TMEM132B: variants seen among roughly 807,000 people sequenced by gnomAD.
The protein encoded by TMEM132B is transmembrane protein 132B.
In TMEM132B, 18 loss-of-function variants were observed where a neutral mutation model predicts 90.8. The observed-to-expected ratio is 0.20, with a 90% CI of 0.14 to 0.29. The LOEUF (loss-of-function observed/expected upper bound fraction) is 0.29. TMEM132B is among the 10% of genes least tolerant of loss of function. The probability of loss-of-function intolerance (pLI) is 1.00; values close to 1 mark genes in which losing one functional copy is unlikely to be tolerated. For missense variants in TMEM132B, 1,096 were observed against 1,326.8 expected, an observed-to-expected ratio of 0.83 and a Z score of 2.70; for synonymous variants, 504 against 523.3, an observed-to-expected ratio of 0.96 and a Z score of 0.50.
intron 3 of TMEM132B, among the ~76,000 whole-genome samples, chr12:125,507,171 A>T (rs1185993038): frequency 6.6e-6 from 1 of 152,216 alleles, no homozygotes; most frequent in Non-Finnish European, 1.5e-5. Flanking sequence ...AAACATGACA[A>T]TCTAGGAAAG....
intron 1 of TMEM132B, among the ~76,000 whole-genome samples, chr12:125,235,745 C>T (rs1433580047): frequency 6.7e-6 from 1 of 150,210 alleles, no homozygotes; most frequent in Admixed American, 6.6e-5. Flanking sequence ...GCTTCTTTCA[C>T]ATAACATAAC....
intron 4 of TMEM132B, among the ~76,000 whole-genome samples, chr12:125,573,066 T>C (rs543637286): frequency 6.6e-6 from 1 of 152,298 alleles, no homozygotes; most frequent in Non-Finnish European, 1.5e-5. Context: ...TGTACTTTCT[T>C]TGTCTTGGCA....
chr12:125,541,199 C>T (rs759168505), intron 4 of TMEM132B, among the ~76,000 whole-genome samples: 8 of 152,298 alleles, frequency 5.3e-5, no homozygotes, highest in East Asian at 1.9e-4. Flanking sequence ...ATCATTGTCA[C>T]GACACATTTT....
At chr12:125,298,666 T>A (rs1302999186) in intron 1 of TMEM132B, among the ~76,000 whole-genome samples, 4 of 63,822 alleles carry the variant, frequency 6.3e-5, no homozygotes, top group African/African-American at 3.5e-4. Context: ...AGAGTGAGAC[T>A]CTGTCTCAAA....
intron 1 of TMEM132B, among the ~76,000 whole-genome samples, chr12:125,318,528 C>T (rs1876345553): frequency 6.6e-6 from 1 of 152,184 alleles, no homozygotes; most frequent in Non-Finnish European, 1.5e-5. Flanking sequence ...CACCCCCACC[C>T]TGACAGGCCC....
intron 2 of TMEM132B, among the ~76,000 whole-genome samples, chr12:125,359,578 G>T (rs751414583): frequency 1.3e-5 from 2 of 152,156 alleles, no homozygotes; most frequent in African/African-American, 4.8e-5. Context: ...AAGACCATGA[G>T]CTTCCTAAAA....
intron 2 of TMEM132B, among the ~76,000 whole-genome samples, chr12:125,363,348 T>C (rs1236820522): frequency 6.6e-6 from 1 of 152,074 alleles, no homozygotes; most frequent in Non-Finnish European, 1.5e-5. Flanking sequence ...ATGGGTACAG[T>C]GGTGTGTTAG....
intron 2 of TMEM132B, among the ~76,000 whole-genome samples, chr12:125,399,023 CTG>C (rs1259334967): frequency 1.3e-5 from 2 of 152,196 alleles, no homozygotes; most frequent in Non-Finnish European, 2.9e-5. Flanking sequence ...AGGCTGCCCT[CTG>C]TTCCTAGAGC....
At chr12:125,570,375 C>G (rs2136826362) in intron 4 of TMEM132B, among the ~76,000 whole-genome samples, 1 of 152,312 alleles carries the variant, frequency 6.6e-6, no homozygotes, top group African/African-American at 2.4e-5. Context: ...GTCAGTTAAG[C>G]AGCACTTACC....
intron 1 of TMEM132B, among the ~76,000 whole-genome samples, chr12:125,200,735 G>A (rs992715137): frequency 6.6e-6 from 1 of 152,164 alleles, no homozygotes; most frequent in African/African-American, 2.4e-5. Flanking sequence ...GAGAAATGTC[G>A]AGCCTAGGGG....
chr12:125,658,174 G>T lies in TMEM132B; in HGVS notation c.*3464G>T, dbSNP rs938025202. ...TATAATAATCCTGACTATGTAGACGGAAGTTTCTATTTATAAAGTCATGCA... is the reference window on the plus strand; with the variant it reads ...TATAATAATCCTGACTATGTAGACGTAAGTTTCTATTTATAAAGTCATGCA... On this transcript the variant is annotated 3_prime_UTR_variant, in exon 9 of 9. Coordinates refer to ENST00000682704, the MANE Select transcript of TMEM132B (RefSeq NM_001366854.1). The T allele has an allele frequency of 1.3e-5, 2 of 152,230 alleles. No individual in the cohort carries two copies. Among genetic ancestry groups the T allele is most frequent in the Admixed American group, 6.5e-5 (1 of 15,288 alleles). The allele number at this position is 152,230 out of a possible 1,614,324, so 9.4% of individuals were successfully genotyped here.
chr12:125,508,169 C>A lies in TMEM132B; in HGVS notation c.1107-11270C>A, dbSNP rs764716711. 1.4e-4 allele frequency among the ~76,000 whole-genome samples: 21 copies of A among 148,872 alleles called. 1 individual carries two copies. Among genetic ancestry groups the A allele is most frequent in the Non-Finnish European group, 3.1e-4 (21 of 67,248 alleles). On this transcript the variant is annotated intron_variant, in intron 3 of 8. Coordinates refer to ENST00000682704, the MANE Select transcript of TMEM132B (RefSeq NM_001366854.1). Reference sequence around the variant, plus strand: ...TGCAATAAACTTCATGATCTTTGCACCTTCTAACTCCATCCTTTGAGAGTA... The same window carrying A: ...TGCAATAAACTTCATGATCTTTGCAACTTCTAACTCCATCCTTTGAGAGTA...
At chr12:125,515,301 C>T (rs762304523) in intron 3 of TMEM132B, among the ~76,000 whole-genome samples, 1 of 151,872 alleles carries the variant, frequency 6.6e-6, no homozygotes. Context: ...CACACTCATA[C>T]ACACTATTCA....
intron 4 of TMEM132B, among the ~76,000 whole-genome samples, chr12:125,579,522 C>G (rs1044562545): frequency 6.6e-6 from 1 of 151,712 alleles, no homozygotes; most frequent in Non-Finnish European, 1.5e-5. Context: ...GGCACCACAC[C>G]TGGCTAATTT....
chr12:125,445,362 C>T lies in TMEM132B; in HGVS notation c.1106+29685C>T, dbSNP rs1319527407. On this transcript the variant is annotated intron_variant, in intron 3 of 8. Coordinates refer to ENST00000682704, the MANE Select transcript of TMEM132B (RefSeq NM_001366854.1). This position sits in a 1 kb window ranked among gnomAD's most constrained non-coding sequence, Gnocchi z 4.3. The stretch of plus-strand genomic sequence containing the variant: ...TTTGTAAATTGGCTATACTAATGTA[C>T]CTACCTTTCCCAGTTATAAATGTAT... Among the ~76,000 whole-genome samples the T allele has an allele frequency of 1.3e-5, 2 of 152,176 alleles. No individual in the cohort carries two copies. Among genetic ancestry groups the T allele is most frequent in the East Asian group, 3.9e-4 (2 of 5,190 alleles).
chr12:125,574,914 A>G (rs988272996), intron 4 of TMEM132B, among the ~76,000 whole-genome samples: 2 of 150,902 alleles, frequency 1.3e-5, no homozygotes, highest in East Asian at 1.9e-4. Flanking sequence ...TTACCTCACT[A>G]TTCAGAATAA....
chr12:125,563,598 C>CAAACAAAAAA (rs774597550), intron 4 of TMEM132B, among the ~76,000 whole-genome samples: 2 of 150,180 alleles, frequency 1.3e-5, no homozygotes, highest in Non-Finnish European at 3.0e-5. Flanking sequence ...AACAAACAAA[C>CAAACAAAAAA]AAAAAAAAAC....
At chr12:125,557,420 C>T (rs980611672) in intron 4 of TMEM132B, among the ~76,000 whole-genome samples, 1 of 152,114 alleles carries the variant, frequency 6.6e-6, no homozygotes, top group Non-Finnish European at 1.5e-5. Flanking sequence ...GTTCTGATAG[C>T]ATGGAAAGGG....
At chr12:125,398,881 GTCTGGGCAGTGTTCTCA>G (rs1337790750) in intron 2 of TMEM132B, among the ~76,000 whole-genome samples, 1 of 152,186 alleles carries the variant, frequency 6.6e-6, no homozygotes, top group South Asian at 2.1e-4. Context: ...CCCAGGTGTT[GTCTGGGCAGTGTTCTCA>G]TCTGGAGGCC....
Sources: allele counts gnomAD v4.1 joint callset (sites outside exome capture counted in the v4.1 genomes callset), GRCh38; gene constraint gnomAD v4.1.1; non-coding constraint Gnocchi (gnomAD v3.1); transcripts MANE v1.5; gene names NCBI Gene and HGNC (gene_info 2026-07-23, HGNC 2026-07-21).